JMJD1C: variants seen among roughly 807,000 people sequenced by gnomAD.
The protein encoded by JMJD1C is jumonji domain-containing protein 1C.
In JMJD1C, 31 loss-of-function variants were observed where a neutral mutation model predicts 245.3. That is an observed-to-expected ratio of 0.13 (90% CI 0.09 to 0.17). JMJD1C has a LOEUF of 0.17. JMJD1C is among the 10% of genes least tolerant of loss of function. The pLI is 1.00. For synonymous variants in JMJD1C, 1,057 were observed against 1,017.4 expected (o/e 1.04, Z -0.74); for missense variants, 2,691 against 3,000.2 (o/e 0.90, Z 2.41).
intron 21 of JMJD1C, 82 bp from the exon 22 acceptor site, chr10:63,183,651 G>T: frequency 2.6e-6 from 2 of 760,010 alleles, no homozygotes; most frequent in African/African-American, 1.8e-5. Flanking sequence ...AAATTAGCTC[G>T]ATCTGCATAA....
At chr10:63,410,037 A>C (rs184210608) in intron 1 of JMJD1C, among the ~76,000 whole-genome samples, 145 of 152,344 alleles carry the variant, frequency 9.5e-4, no homozygotes, top group South Asian at 1.9e-3. Context: ...TGAAAAGATC[A>C]TATAAGGAAG....
At chr10:63,272,559 C>G (rs1354868725) in intron 2 of JMJD1C, among the ~76,000 whole-genome samples, 1 of 152,114 alleles carries the variant, frequency 6.6e-6, no homozygotes, top group Non-Finnish European at 1.5e-5. Flanking sequence ...GCCAAGGTAA[C>G]TTTAGAACGA....
intron 1 of JMJD1C, among the ~76,000 whole-genome samples, chr10:63,410,521 A>T (rs1435206420): frequency 6.6e-6 from 1 of 152,158 alleles, no homozygotes; most frequent in East Asian, 1.9e-4. Flanking sequence ...GAACTGGAAA[A>T]ACCTTCCATA....
chr10:63,301,497 A>G (rs1392658583), intron 2 of JMJD1C, among the ~76,000 whole-genome samples: 1 of 152,228 alleles, frequency 6.6e-6, no homozygotes, highest in South Asian at 2.1e-4. Context: ...ATACATGCAC[A>G]CTTAAGATAT....
chr10:63,280,590 A>C (rs1285605944), intron 2 of JMJD1C, among the ~76,000 whole-genome samples: 1 of 152,126 alleles, frequency 6.6e-6, no homozygotes, highest in Non-Finnish European at 1.5e-5. Flanking sequence ...TCAAGTCGTC[A>C]CTATAAGGAA....
chr10:63,403,796 C>T (rs533413265), intron 1 of JMJD1C, among the ~76,000 whole-genome samples: 3 of 152,220 alleles, frequency 2.0e-5, no homozygotes, highest in East Asian at 1.9e-4. Context: ...AAAGGCCGGG[C>T]GTGGTGGCTC....
chr10:63,349,100 CAAAAA>C (rs71463516), intron 2 of JMJD1C, among the ~76,000 whole-genome samples: 9 of 34,866 alleles, frequency 2.6e-4, no homozygotes, highest in Admixed American at 1.0e-3. Flanking sequence ...GACTCTGTCT[CAAAAA>C]AAAAAAAAAA....
intron 2 of JMJD1C, among the ~76,000 whole-genome samples, chr10:63,321,775 T>G (rs1940898924): frequency 6.6e-6 from 1 of 152,198 alleles, no homozygotes; most frequent in South Asian, 2.1e-4. Flanking sequence ...CACCTTTGCT[T>G]CAAAGGCGTG....
chr10:63,494,991 AC>A (rs1965503845), intron 1 of JMJD1C, among the ~76,000 whole-genome samples: 1 of 152,236 alleles, frequency 6.6e-6, no homozygotes, highest in African/African-American at 2.4e-5. Context: ...AAGCTTCCAT[AC>A]AAAAGTCAAA....
At chr10:63,178,480 G>A (rs542047691) in intron 22 of JMJD1C, among the ~76,000 whole-genome samples, 11 of 152,154 alleles carry the variant, frequency 7.2e-5, no homozygotes. Context: ...ACTTACAAAG[G>A]TCTTTTATGC....
At chr10:63,423,442 T>G (rs1487430685) in intron 1 of JMJD1C, among the ~76,000 whole-genome samples, 4 of 152,250 alleles carry the variant, frequency 2.6e-5, no homozygotes, top group South Asian at 2.1e-4. Flanking sequence ...TCACATAGTA[T>G]AGTGTTTTTA....
intron 3 of JMJD1C, among the ~76,000 whole-genome samples, chr10:63,238,491 G>C (rs563065702): frequency 1.2e-4 from 18 of 152,166 alleles, no homozygotes; most frequent in Non-Finnish European, 1.2e-4. Flanking sequence ...AAAATATTTA[G>C]AGTTCCTTCA....
At chr10:63,224,037 G>A (rs946342251) in intron 3 of JMJD1C, among the ~76,000 whole-genome samples, 3 of 152,108 alleles carry the variant, frequency 2.0e-5, no homozygotes, top group Non-Finnish European at 4.4e-5. Context: ...ATGAGCCTCC[G>A]AGCCCAGCCT....
intron 2 of JMJD1C, among the ~76,000 whole-genome samples, chr10:63,360,160 G>A (rs1347145691): frequency 6.6e-6 from 1 of 151,990 alleles, no homozygotes; most frequent in Non-Finnish European, 1.5e-5. Flanking sequence ...AAAAATTAAA[G>A]AAAAAGATTT....
chr10:63,179,137 C>T (rs1025751502), intron 22 of JMJD1C, among the ~76,000 whole-genome samples: 3 of 152,072 alleles, frequency 2.0e-5, no homozygotes, highest in African/African-American at 7.2e-5. Context: ...TGTGGCCGGG[C>T]GTGGGATTAC....
At position 63,465,923 on chromosome 10, in the gene JMJD1C, G is replaced by A. The variant is rs993744067; in HGVS notation, c.-261C>T. 1.5e-5 allele frequency: 9 copies of A among 602,386 alleles called. No individual in the cohort carries two copies. The highest frequency in any genetic ancestry group is 2.1e-5 in the Non-Finnish European group (7 of 327,692). The allele number at this position is 602,386 out of a possible 1,614,324, so 37.3% of individuals were successfully genotyped here. A position where few individuals can be genotyped will look rare whatever the true frequency, so the allele number is the denominator to read the frequency against. On this transcript the variant is annotated 5_prime_UTR_variant, in exon 1 of 26. Coordinates refer to ENST00000399262, the MANE Select transcript of JMJD1C (RefSeq NM_032776.3). Reference sequence around the variant, plus strand: ...GAAAACTGAAACAAAACCCAACGCGGCCGTCGAAGACCCCGAGGCAGCCCA... The same window carrying A: ...GAAAACTGAAACAAAACCCAACGCGACCGTCGAAGACCCCGAGGCAGCCCA...
intron 3 of JMJD1C, among the ~76,000 whole-genome samples, chr10:63,257,642 T>A (rs868524828): frequency 5.3e-5 from 8 of 152,356 alleles, no homozygotes; most frequent in African/African-American, 1.2e-4. Context: ...TCACTTCTAC[T>A]TTCTGAGAGA....
intron 2 of JMJD1C, 115 bp downstream of exon 2, chr10:63,380,203 C>T (rs767409548): frequency 1.9e-6 from 2 of 1,040,150 alleles, no homozygotes; most frequent in African/African-American, 3.1e-5. Flanking sequence ...TTCAGCCTCT[C>T]AAAGTGCTAG....
At chr10:63,293,991 C>A (rs186491208) in intron 2 of JMJD1C, among the ~76,000 whole-genome samples, 12 of 151,972 alleles carry the variant, frequency 7.9e-5, no homozygotes, top group African/African-American at 1.9e-4. Flanking sequence ...AATTTAATTG[C>A]CCTTCTTGCA....
Sources: gnomAD v4.1 joint callset for allele counts (sites outside exome capture counted in the v4.1 genomes callset) on GRCh38, gnomAD v4.1.1 for gene constraint, MANE v1.5 for transcripts, NCBI Gene and HGNC (gene_info 2026-07-23, HGNC 2026-07-21) for gene names.